The following SCFD2 variants were observed in gnomAD, a reference collection of about 807,000 sequenced individuals.
SCFD2 encodes the protein sec1 family domain containing 2, also known as sec1 family domain-containing protein 2.
In SCFD2, 54 loss-of-function variants were observed where a neutral mutation model predicts 58.9. The ratio of observed to expected loss-of-function variants is 0.92; its 90% confidence interval spans 0.74 to 1.15. The LOEUF is 1.15. Ranked by LOEUF, SCFD2 falls within the 50% of genes most tolerant of loss-of-function variation. The probability of loss-of-function intolerance (pLI) is 0.00; values close to 1 mark genes in which losing one functional copy is unlikely to be tolerated. For missense variants in SCFD2, 805 were observed against 836.6 expected, an observed-to-expected ratio of 0.96 and a Z score of 0.47; for synonymous variants, 321 against 335.9, an observed-to-expected ratio of 0.96 and a Z score of 0.49.
chr4:53,078,944 C>A (rs1051521724), intron 5 of SCFD2, among the ~76,000 whole-genome samples: 1 of 152,128 alleles, frequency 6.6e-6, no homozygotes, highest in African/African-American at 2.4e-5. Flanking sequence ...CTGGTAATTA[C>A]AAATGGTGAT....
chr4:52,915,063 G>A (rs1719571126), intron 6 of SCFD2, among the ~76,000 whole-genome samples: 1 of 152,212 alleles, frequency 6.6e-6, no homozygotes, highest in Non-Finnish European at 1.5e-5. Flanking sequence ...TTCTTTTGTT[G>A]ACTTGAATGT....
chr4:52,976,369 C>T (rs1721261244), intron 5 of SCFD2, among the ~76,000 whole-genome samples: 1 of 152,154 alleles, frequency 6.6e-6, no homozygotes, highest in Non-Finnish European at 1.5e-5. Context: ...CCTTGTCTTC[C>T]AGAGTGAAGC....
In SCFD2 at chr4:52,885,017, C is replaced by A. The variant is rs926548392; in HGVS notation, c.1962+730G>T. 5.3e-5 allele frequency among the ~76,000 whole-genome samples: 8 copies of A among 152,188 alleles called. 1 individual carries two copies. Among genetic ancestry groups the A allele is most frequent in the African/African-American group, 1.9e-4 (8 of 41,436 alleles). On this transcript the variant is annotated intron_variant, in intron 8 of 8. Transcript: ENST00000401642. ...CCCAGATCACCTGATTAGTCAAAGG[C>A]AGAGGCAGGATTGGAACTTGGGCCC...
chr4:52,991,082 T>C (rs1212257033), intron 5 of SCFD2, among the ~76,000 whole-genome samples: 3 of 152,014 alleles, frequency 2.0e-5, no homozygotes, highest in Non-Finnish European at 4.4e-5. Context: ...TACTAGAGGG[T>C]ATTCTGCAGG....
At chr4:53,346,377 C>T (rs774826472) in intron 2 of SCFD2, among the ~76,000 whole-genome samples, 5 of 150,752 alleles carry the variant, frequency 3.3e-5, no homozygotes, top group Non-Finnish European at 5.9e-5. Flanking sequence ...TGGGTTCAAG[C>T]GATTCTTCTG....
chr4:53,242,490 C>T (rs1729930612), intron 4 of SCFD2, among the ~76,000 whole-genome samples: 1 of 152,084 alleles, frequency 6.6e-6, no homozygotes, highest in African/African-American at 2.4e-5. Context: ...CAAAGGACAG[C>T]AACTTCAAAG....
intron 5 of SCFD2, among the ~76,000 whole-genome samples, chr4:53,040,808 A>T (rs1423264861): frequency 6.6e-6 from 1 of 152,162 alleles, no homozygotes; most frequent in Non-Finnish European, 1.5e-5. Context: ...TTACTGAAAA[A>T]TTTGTGAAAG....
chr4:52,974,104 G>A (rs566686219), intron 5 of SCFD2, among the ~76,000 whole-genome samples: 5 of 148,878 alleles, frequency 3.4e-5, no homozygotes, highest in East Asian at 2.0e-4. Context: ...CTTTGAAAAC[G>A]GGCACAAGAC....
rs143526060 is a variant in SCFD2 at position 53,271,315 on chromosome 4, GCA to G, written c.1311+2509_1311+2510del. ...ATACACACATACAACACACACACAC[GCA>G]CACACACACACACACAGCACAAATG... is the stretch of plus-strand genomic sequence containing the variant. On this transcript the variant is annotated intron_variant, in intron 4 of 8. Transcript: ENST00000401642. Among the ~76,000 whole-genome samples, 1,265 of 147,124 alleles carry G rather than the reference GCA, an allele frequency of 8.6e-3. 7 individuals carry two copies. Among genetic ancestry groups the G allele is most frequent in the African/African-American group, 0.027 (1,071 of 40,188 alleles).
intron 2 of SCFD2, among the ~76,000 whole-genome samples, chr4:53,350,361 C>G (rs1734180109): frequency 6.6e-6 from 1 of 152,148 alleles, no homozygotes; most frequent in African/African-American, 2.4e-5. Flanking sequence ...TCAAAGAAAA[C>G]AGTTAAAATT....
intron 5 of SCFD2, among the ~76,000 whole-genome samples, chr4:52,960,520 C>T (rs2109540026): frequency 6.6e-6 from 1 of 152,130 alleles, no homozygotes; most frequent in East Asian, 1.9e-4. Context: ...AGGCATACAC[C>T]ACCATGCCCA....
intron 3 of SCFD2, among the ~76,000 whole-genome samples, chr4:53,312,126 T>C (rs954645682): frequency 3.9e-5 from 6 of 152,080 alleles, no homozygotes; most frequent in Non-Finnish European, 7.4e-5. Context: ...AGTGCCAGGA[T>C]ATCTCAGTGC....
intron 5 of SCFD2, among the ~76,000 whole-genome samples, chr4:53,027,901 A>AT (rs796544277): frequency 1.7e-3 from 259 of 150,360 alleles, no homozygotes; most frequent in African/African-American, 5.4e-3. Flanking sequence ...TTAAGATTTT[A>AT]TTTTTTTTTT....
intron 5 of SCFD2, among the ~76,000 whole-genome samples, chr4:52,976,029 G>A (rs1296766789): frequency 1.1e-4 from 13 of 116,866 alleles, no homozygotes; most frequent in Admixed American, 2.9e-4. Context: ...GTTGTGGGGT[G>A]GGGGGAGGGG....
intron 5 of SCFD2, among the ~76,000 whole-genome samples, chr4:53,001,392 C>CA (rs1560506542): frequency 1.3e-5 from 2 of 152,060 alleles, no homozygotes; most frequent in Non-Finnish European, 2.9e-5. Flanking sequence ...TGCCTTTTAC[C>CA]GAACTGTTTT....
At chr4:53,326,204 G>A (rs535161998) in intron 2 of SCFD2, among the ~76,000 whole-genome samples, 26 of 152,110 alleles carry the variant, frequency 1.7e-4, no homozygotes, top group Admixed American at 6.5e-4. Flanking sequence ...GTGCAGTGGC[G>A]TGATCACAAT....
At chr4:53,358,502 G>A (rs1269688869) in intron 1 of SCFD2, among the ~76,000 whole-genome samples, 1 of 151,024 alleles carries the variant, frequency 6.6e-6, no homozygotes, top group Non-Finnish European at 1.5e-5. Flanking sequence ...GCAGTGAGCC[G>A]AGATGGTGCC....
chr4:53,285,612 G>T (rs541872086), intron 3 of SCFD2, among the ~76,000 whole-genome samples: 3 of 152,022 alleles, frequency 2.0e-5, no homozygotes, highest in South Asian at 2.1e-4. Flanking sequence ...CAAGCAGAAT[G>T]ACTAAAGGAG....
At chr4:52,925,514 A>G (rs1719843289) in intron 5 of SCFD2, among the ~76,000 whole-genome samples, 1 of 151,964 alleles carries the variant, frequency 6.6e-6, no homozygotes, top group Non-Finnish European at 1.5e-5. Context: ...TAGACCTTAG[A>G]TCCTTCTTTT....
Sources: allele counts gnomAD v4.1 joint callset (sites outside exome capture counted in the v4.1 genomes callset), GRCh38; gene constraint gnomAD v4.1.1; transcripts MANE v1.5; gene names NCBI Gene and HGNC (gene_info 2026-07-23, HGNC 2026-07-21).